The following SLC26A5 variants were observed in gnomAD, a reference collection of about 807,000 sequenced individuals.
The protein encoded by SLC26A5 is prestin.
A neutral mutation model predicts 81.0 loss-of-function variants in SLC26A5; 51 were observed. That is an observed-to-expected ratio of 0.63 (90% CI 0.50 to 0.80). The LOEUF is 0.80. Ranked by LOEUF, SLC26A5 falls within the 30% of genes least tolerant of loss-of-function variation. The pLI, the probability that SLC26A5 is intolerant of heterozygous loss-of-function variation, is 0.00. For missense variants in SLC26A5, 771 were observed against 905.8 expected (o/e 0.85, Z 1.91); for synonymous variants, 325 against 332.8 (o/e 0.98, Z 0.25).
chr7:103,405,378 C>T (rs1823960830), intron 8 of SLC26A5, among the ~76,000 whole-genome samples: 1 of 152,158 alleles, frequency 6.6e-6, no homozygotes, highest in Non-Finnish European at 1.5e-5. Context: ...ATGTTGACGT[C>T]CTTTCTGTTG....
chr7:103,363,753 C>T lies in SLC26A5; in HGVS notation c.2042-10827G>A, dbSNP rs114728733. Among the ~76,000 whole-genome samples the T allele has an allele frequency of 2.2e-3, 337 of 152,102 alleles. 1 individual carries two copies. Among genetic ancestry groups the T allele is most frequent in the African/African-American group, 7.7e-3 (320 of 41,496 alleles). ...AAGAAACTGGTTCTTCAAAAGACAT[C>T]GAGAAGAAAGGGGCTTAAATTGAAG... On this transcript the variant is annotated intron_variant, in intron 19 of 19. Transcript: ENST00000339444.
intron 9 of SLC26A5, 96 bp downstream of exon 9, chr7:103,397,836 G>T (rs1397853609): frequency 2.1e-6 from 2 of 938,172 alleles, no homozygotes; most frequent in Admixed American, 1.7e-5. Context: ...ATAGAAAAAA[G>T]ATTATTTTTC....
At chr7:103,389,173 A>AC in intron 13 of SLC26A5, 59 bp from the exon 14 acceptor site, 1 of 1,358,898 alleles carries the variant, frequency 7.4e-7, no homozygotes, top group South Asian at 1.2e-5. Context: ...CAAGAGTTAA[A>AC]CACACAAGTG....
At chr7:103,415,938 T>G (rs1035561369) in intron 4 of SLC26A5, among the ~76,000 whole-genome samples, 43 of 152,196 alleles carry the variant, frequency 2.8e-4, no homozygotes, top group Non-Finnish European at 5.7e-4. Flanking sequence ...ACATCAGGCT[T>G]GATCCTCTGG....
At position 103,392,751 on chromosome 7, in the gene SLC26A5, G is replaced by A. The variant is rs570768781; in HGVS notation, c.1119+168C>T. ...TGCCACCATGCCCGGCTAATTTTTT[G>A]TATTTTCAGTAGAGATGGGGTTTCA... is the stretch of plus-strand genomic sequence containing the variant. On this transcript the variant is annotated intron_variant, in intron 10 of 19. Transcript: ENST00000306312. Among the ~76,000 whole-genome samples the A allele has an allele frequency of 7.9e-5, 12 of 152,174 alleles. 1 individual carries two copies. Among genetic ancestry groups the A allele is most frequent in the African/African-American group, 2.9e-4 (12 of 41,556 alleles).
At chr7:103,399,909 T>C (rs1002495237) in intron 8 of SLC26A5, among the ~76,000 whole-genome samples, 3 of 152,238 alleles carry the variant, frequency 2.0e-5, no homozygotes, top group East Asian at 3.8e-4. Context: ...CTCATCCTTT[T>C]TTATGGCTGC....
chr7:103,381,548 C>T (rs543978771), intron 14 of SLC26A5, among the ~76,000 whole-genome samples: 2 of 151,060 alleles, frequency 1.3e-5, no homozygotes, highest in African/African-American at 4.9e-5. Context: ...TACCATATAC[C>T]TCACACCACA....
At chr7:103,390,854 G>A (rs1563531017) in intron 11 of SLC26A5, among the ~76,000 whole-genome samples, 1 of 151,238 alleles carries the variant, frequency 6.6e-6, no homozygotes, top group Admixed American at 6.6e-5. Context: ...GTAGCCACAT[G>A]TGGCCATTTA....
intron 19 of SLC26A5, among the ~76,000 whole-genome samples, chr7:103,364,958 C>CATATGTATATATATATAT (rs1820619230): frequency 8.0e-6 from 1 of 125,502 alleles, no homozygotes; most frequent in African/African-American, 2.9e-5. Flanking sequence ...TGTAGACATA[C>CATATGTATATATATATAT]ATATATATAT....
intron 19 of SLC26A5, chr7:103,362,546 CTTTA>C (rs2116230534): frequency 1.4e-6 from 2 of 1,400,622 alleles, no homozygotes; most frequent in Non-Finnish European, 1.9e-6. Context: ...TTCATGCTCT[CTTTA>C]TTTCTCTTTA....
chr7:103,368,173 C>G (rs999421786), intron 19 of SLC26A5: 93 of 864,618 alleles, frequency 1.1e-4, no homozygotes, highest in Non-Finnish European at 1.4e-4. Context: ...TTCCATATCT[C>G]TTCTTGTAAT....
At chr7:103,409,186 G>A (rs958260002) in intron 7 of SLC26A5, among the ~76,000 whole-genome samples, 6 of 152,182 alleles carry the variant, frequency 3.9e-5, no homozygotes, top group African/African-American at 1.4e-4. Flanking sequence ...ACATGTATGC[G>A]ATTAATGGTT....
chr7:103,406,028 C>T (rs1824020033), intron 8 of SLC26A5, among the ~76,000 whole-genome samples: 2 of 152,188 alleles, frequency 1.3e-5, no homozygotes, highest in African/African-American at 4.8e-5. Context: ...TGCCCCTCCC[C>T]CCACCAAGCT....
rs114441393 is a variant in SLC26A5, at chr7:103,421,112, A to C, written c.153-235T>G. Among the ~76,000 whole-genome samples the C allele has an allele frequency of 2.4e-3, 372 of 152,300 alleles. 3 individuals are homozygous for C. The highest frequency in any genetic ancestry group is 8.6e-3 in the African/African-American group (356 of 41,570). Reference sequence around the variant, plus strand: ...CAAGGTGGGTGGAGAATTAGAAAGCATGTTGGTTATGTTAACATTTACACA... The same window carrying C: ...CAAGGTGGGTGGAGAATTAGAAAGCCTGTTGGTTATGTTAACATTTACACA... On this transcript the variant is annotated intron_variant, in intron 3 of 19. Transcript: ENST00000306312.
chr7:103,422,951 A>G (rs879941529), intron 2 of SLC26A5, among the ~76,000 whole-genome samples: 21 of 151,678 alleles, frequency 1.4e-4, no homozygotes, highest in South Asian at 1.0e-3. Context: ...GTTTTCATCA[A>G]AATGAAATCA....
intron 2 of SLC26A5, chr7:103,433,711 T>TC (rs1246719457): frequency 8.7e-5 from 13 of 149,320 alleles, no homozygotes; most frequent in Non-Finnish European, 1.8e-4. Flanking sequence ...TTCTTTTTTT[T>TC]TTTTTTTTTG....
At position 103,355,716 on chromosome 7, in the gene SLC26A5, C is replaced by T. The variant is rs780287209; in HGVS notation, c.2042-2790G>A. On this transcript the variant is annotated intron_variant, in intron 19 of 19. Coordinates refer to the SLC26A5 transcript ENST00000339444. ...TAGGTATTAAAGAATCTGACACTGG[C>T]CTGGCCCCACCAGCACTCTGGGATT... is the stretch of plus-strand genomic sequence containing the variant. 10 of 1,613,936 alleles carry T rather than the reference C, an allele frequency of 6.2e-6. No individual in the cohort carries two copies. In the South Asian group the frequency reaches 6.6e-5, roughly 11 times the overall value.
chr7:103,418,772 C>T (rs1311132720), intron 4 of SLC26A5, among the ~76,000 whole-genome samples: 1 of 152,104 alleles, frequency 6.6e-6, no homozygotes, highest in African/African-American at 2.4e-5. Context: ...CCATTATCAC[C>T]TTTGCCTACC....
chr7:103,383,693 G>A (rs1196875938), intron 14 of SLC26A5, among the ~76,000 whole-genome samples: 2 of 151,890 alleles, frequency 1.3e-5, no homozygotes, highest in African/African-American at 2.4e-5. Flanking sequence ...TATTTTTTTA[G>A]AGATGGGATC....
Sources: allele counts gnomAD v4.1 joint callset (sites outside exome capture counted in the v4.1 genomes callset), GRCh38; gene constraint gnomAD v4.1.1; transcripts MANE v1.5; gene names NCBI Gene and HGNC (gene_info 2026-07-23, HGNC 2026-07-21).